PLCB1: variants seen among roughly 807,000 people sequenced by gnomAD.
PLCB1 encodes phospholipase C beta 1, also known as 1-phosphatidylinositol 4,5-bisphosphate phosphodiesterase beta-1.
Under a neutral mutation model 161.8 loss-of-function variants are expected in PLCB1, and 46 were observed. The observed-to-expected ratio is 0.28, with a 90% confidence interval of 0.22 to 0.36. PLCB1 has a LOEUF of 0.36. Ranked by LOEUF, PLCB1 falls within the 10% of genes least tolerant of loss-of-function variation. The pLI, the probability that PLCB1 is intolerant of heterozygous loss-of-function variation, is 1.00. For synonymous variants in PLCB1, 517 were observed against 503.7 expected (o/e 1.03, Z -0.35); for missense variants, 1,016 against 1,472.5 (o/e 0.69, Z 5.07).
At chr20:8,800,372 G>T (rs1009646255) in intron 31 of PLCB1, among the ~76,000 whole-genome samples, 3 of 152,064 alleles carry the variant, frequency 2.0e-5, no homozygotes, top group Non-Finnish European at 4.4e-5. Flanking sequence ...CATTAGTTGA[G>T]GTTAATCTTT....
chr20:8,802,042 T>C (rs1282073566), intron 31 of PLCB1: 2 of 1,496,392 alleles, frequency 1.3e-6, no homozygotes, highest in Non-Finnish European at 9.3e-7. Flanking sequence ...CAGCCTCCCT[T>C]TTTTTCCACA....
intron 2 of PLCB1, among the ~76,000 whole-genome samples, chr20:8,357,808 C>A (rs529359145): frequency 1.3e-5 from 2 of 152,264 alleles, no homozygotes; most frequent in South Asian, 4.2e-4. Context: ...TAGTTCATCG[C>A]CCAATTTAAT....
intron 2 of PLCB1, among the ~76,000 whole-genome samples, chr20:8,326,715 A>C (rs1985169570): frequency 6.6e-6 from 1 of 152,232 alleles, no homozygotes; most frequent in South Asian, 2.1e-4. Context: ...AGTCAATGCC[A>C]GATTGCATCC....
intron 14 of PLCB1, among the ~76,000 whole-genome samples, chr20:8,719,704 G>T (rs899941246): frequency 6.6e-6 from 1 of 152,134 alleles, no homozygotes; most frequent in Non-Finnish European, 1.5e-5. Context: ...GTTATATTTT[G>T]TTTCTTGATC....
chr20:8,627,925 C>G (rs1988408500), intron 3 of PLCB1, among the ~76,000 whole-genome samples: 1 of 152,168 alleles, frequency 6.6e-6, no homozygotes, highest in South Asian at 2.1e-4. Flanking sequence ...GAATAACCAC[C>G]TTCTTTGTCT....
At chr20:8,177,856 G>A (rs6055594) in intron 2 of PLCB1, among the ~76,000 whole-genome samples, 51,329 of 151,824 alleles carry the variant, frequency 0.34, 9,167 homozygotes, top group African/African-American at 0.46. Context: ...TCTACTGTCA[G>A]GTAGGTCCCG....
intron 3 of PLCB1, among the ~76,000 whole-genome samples, chr20:8,552,797 AC>A (rs1016537210): frequency 6.6e-6 from 1 of 151,954 alleles, no homozygotes; most frequent in African/African-American, 2.4e-5. Context: ...CCATGTTTAG[AC>A]CCCTAGACAT....
chr20:8,349,253 G>C (rs893304851), intron 2 of PLCB1, among the ~76,000 whole-genome samples: 3 of 152,118 alleles, frequency 2.0e-5, no homozygotes, highest in Non-Finnish European at 4.4e-5. Context: ...GATTAGACAG[G>C]TGACAAGAAG....
At chr20:8,593,205 C>T (rs979026442) in intron 3 of PLCB1, among the ~76,000 whole-genome samples, 2 of 152,080 alleles carry the variant, frequency 1.3e-5, no homozygotes, top group East Asian at 1.9e-4. Context: ...CAGAGTCTTG[C>T]TCCGTCACCC....
rs1233889591 is a variant in PLCB1, at chr20:8,884,032, G to A, written c.*2183G>A. On this transcript the variant is annotated 3_prime_UTR_variant, in exon 32 of 32. Coordinates refer to ENST00000338037, the MANE Select transcript of PLCB1 (RefSeq NM_015192.4). ...TGTATCACATTTTAGTCCAGAGATAGAATAAAGTTGAATAACCTTGACTTA... is the reference window on the plus strand; with the variant it reads ...TGTATCACATTTTAGTCCAGAGATAAAATAAAGTTGAATAACCTTGACTTA... The A allele has an allele frequency of 1.3e-5, 2 of 152,224 alleles. No individual in the cohort carries two copies. Among genetic ancestry groups the A allele is most frequent in the Non-Finnish European group, 2.9e-5 (2 of 67,974 alleles). 9.4% of individuals were successfully genotyped at this position (152,224 alleles called of 1,614,324 possible). A position where few individuals can be genotyped will look rare whatever the true frequency, so the allele number is the denominator to read the frequency against.
At chr20:8,373,857 A>T (rs940106205) in intron 3 of PLCB1, among the ~76,000 whole-genome samples, 7 of 152,218 alleles carry the variant, frequency 4.6e-5, no homozygotes, top group African/African-American at 1.7e-4. Flanking sequence ...AGAAGTTGCT[A>T]TTACTATCAG....
At chr20:8,840,246 A>G (rs1018874365) in intron 31 of PLCB1, among the ~76,000 whole-genome samples, 1 of 152,202 alleles carries the variant, frequency 6.6e-6, no homozygotes, top group Non-Finnish European at 1.5e-5. Context: ...CCAAGCCTCA[A>G]GCATAGCCCT....
chr20:8,869,019 T>G (rs1987523479), intron 31 of PLCB1, among the ~76,000 whole-genome samples: 1 of 152,166 alleles, frequency 6.6e-6, no homozygotes, highest in African/African-American at 2.4e-5. Context: ...TCATGATTGA[T>G]GGGATTTGAT....
chr20:8,505,599 C>T (rs1983607201), intron 3 of PLCB1, among the ~76,000 whole-genome samples: 1 of 152,216 alleles, frequency 6.6e-6, no homozygotes, highest in Non-Finnish European at 1.5e-5. Context: ...ACTGTACCGT[C>T]AAGTGAAATG....
At chr20:8,503,990 A>G (rs2074962920) in intron 3 of PLCB1, among the ~76,000 whole-genome samples, 1 of 152,198 alleles carries the variant, frequency 6.6e-6, no homozygotes. Context: ...TTTCTCCTCC[A>G]TTACTCAGTA....
chr20:8,643,629 A>G (rs936560765), intron 4 of PLCB1, among the ~76,000 whole-genome samples: 2 of 151,812 alleles, frequency 1.3e-5, no homozygotes, highest in African/African-American at 4.8e-5. Flanking sequence ...AATTAAACTA[A>G]AAGACATTAT....
intron 2 of PLCB1, among the ~76,000 whole-genome samples, chr20:8,312,040 A>G (rs1984424088): frequency 6.6e-6 from 1 of 152,098 alleles, no homozygotes; most frequent in Non-Finnish European, 1.5e-5. Flanking sequence ...GATAACGGTG[A>G]GTTGCAGATG....
chr20:8,788,374 G>T, intron 27 of PLCB1, 75 bp from the exon 28 acceptor site: 1 of 1,323,640 alleles, frequency 7.6e-7, no homozygotes, highest in South Asian at 1.3e-5. Context: ...TATAGATTCT[G>T]TTGTTTGAGG....
chr20:8,194,646 G>T (rs927653032), intron 2 of PLCB1, among the ~76,000 whole-genome samples: 1 of 151,958 alleles, frequency 6.6e-6, no homozygotes, highest in Admixed American at 6.6e-5. Flanking sequence ...TTGTTTTATA[G>T]ATTTGCAGGA....
Sources: gnomAD v4.1 joint callset for allele counts (sites outside exome capture counted in the v4.1 genomes callset) on GRCh38, gnomAD v4.1.1 for gene constraint, MANE v1.5 for transcripts, NCBI Gene and HGNC (gene_info 2026-07-23, HGNC 2026-07-21) for gene names.